The following NEURL1 variants were observed in gnomAD, a reference collection of about 807,000 sequenced individuals.
NEURL1 encodes the protein neuralized E3 ubiquitin protein ligase 1.
In NEURL1, 26 loss-of-function variants were observed where a neutral mutation model predicts 41.2. The observed-to-expected ratio is 0.63, with a 90% CI of 0.46 to 0.87. The LOEUF (loss-of-function observed/expected upper bound fraction) is 0.87. Ranked by LOEUF, NEURL1 falls within the 40% of genes least tolerant of loss-of-function variation. The pLI is 0.00. For missense variants in NEURL1, 761 were observed against 871.1 expected (o/e 0.87, Z 1.59); for synonymous variants, 400 against 402.3 (o/e 0.99, Z 0.07).
At chr10:103,555,929 C>T (rs1315875904) in intron 1 of NEURL1, among the ~76,000 whole-genome samples, 1 of 151,808 alleles carries the variant, frequency 6.6e-6, no homozygotes, top group Non-Finnish European at 1.5e-5. Context: ...CACATGTGTG[C>T]TGAGTGTGCA....
intron 1 of NEURL1, among the ~76,000 whole-genome samples, chr10:103,553,698 G>T (rs1002627218): frequency 6.6e-6 from 1 of 152,212 alleles, no homozygotes; most frequent in African/African-American, 2.4e-5. Flanking sequence ...CCCTTACAGG[G>T]CCCAGGCCTC....
intron 1 of NEURL1, among the ~76,000 whole-genome samples, chr10:103,497,340 T>G (rs2033709749): frequency 6.6e-6 from 1 of 152,216 alleles, no homozygotes; most frequent in African/African-American, 2.4e-5. Context: ...TGGGATGGCG[T>G]CTGTACTCAG....
At chr10:103,533,769 C>G (rs1259414311) in intron 1 of NEURL1, among the ~76,000 whole-genome samples, 2 of 152,184 alleles carry the variant, frequency 1.3e-5, no homozygotes, top group African/African-American at 2.4e-5. Context: ...ATCTGCTGAC[C>G]TTCTGATCCG....
At chr10:103,517,717 C>T (rs55693294) in intron 1 of NEURL1, among the ~76,000 whole-genome samples, 7,039 of 152,336 alleles carry the variant, frequency 0.046, 174 homozygotes, top group Non-Finnish European at 0.061. Context: ...GGCACCTTCT[C>T]CCCTGCAGCA....
At chr10:103,562,702 T>C (rs999919344) in intron 1 of NEURL1, among the ~76,000 whole-genome samples, 28 of 152,090 alleles carry the variant, frequency 1.8e-4, no homozygotes, top group African/African-American at 6.8e-4. Context: ...GCTGATGGGG[T>C]CCTCAAAGGT....
At chr10:103,520,536 C>T (rs1019431544) in intron 1 of NEURL1, among the ~76,000 whole-genome samples, 1 of 152,158 alleles carries the variant, frequency 6.6e-6, no homozygotes, top group African/African-American at 2.4e-5. Flanking sequence ...CAGGAACCGA[C>T]CATTTTGACT....
At position 103,571,036 on chromosome 10, in the gene NEURL1, A is replaced by AAG; in HGVS notation, c.253_254dup (p.Gln86GlyfsTer24). On this transcript the variant is annotated frameshift_variant, in exon 2 of 6. Coordinates refer to ENST00000369780, the MANE Select transcript of NEURL1 (RefSeq NM_004210.5). LOFTEE classifies it high-confidence loss of function. ...CATGGACCTCAGCCACAAGGCTGTC[A>AAG]AGAGGCAGGCCAGCTTCTGCAACGC... 6.2e-7 allele frequency: 1 copy of AAG among 1,614,000 alleles called. No individual in the cohort carries two copies. The highest frequency in any genetic ancestry group is 8.5e-7 in the Non-Finnish European group (1 of 1,179,982).
intron 1 of NEURL1, among the ~76,000 whole-genome samples, chr10:103,504,102 T>A (rs531027588): frequency 6.6e-6 from 1 of 152,152 alleles, no homozygotes; most frequent in African/African-American, 2.4e-5. Flanking sequence ...CAAGGTATTC[T>A]TCTGCCTCAG....
intron 3 of NEURL1, among the ~76,000 whole-genome samples, chr10:103,576,741 G>C (rs1348297529): frequency 6.6e-6 from 1 of 152,096 alleles, no homozygotes; most frequent in Non-Finnish European, 1.5e-5. Flanking sequence ...GGCTCCCGAG[G>C]GCTTATGCAT....
intron 1 of NEURL1, among the ~76,000 whole-genome samples, chr10:103,503,635 G>A (rs891276243): frequency 6.6e-5 from 10 of 152,092 alleles, no homozygotes; most frequent in South Asian, 2.1e-4. Flanking sequence ...ACGCCGATAC[G>A]GTGAGAAATG....
Position 103,522,621 on chromosome 10 carries a change from A to T in NEURL1, c.85+28149A>T, listed in dbSNP as rs1310023014. 2.8e-5 allele frequency among the ~76,000 whole-genome samples: 4 copies of T among 145,248 alleles called. No individual in the cohort carries two copies. The East Asian group carries it at 6.1e-4, about 22-fold the overall frequency. ...CCATTTCAAAAAAAAAAAAAAAAAAAAGAAGTCGTCTTTGTCTCATGCAAT... is the reference window on the plus strand; with the variant it reads ...CCATTTCAAAAAAAAAAAAAAAAAATAGAAGTCGTCTTTGTCTCATGCAAT... On this transcript the variant is annotated intron_variant, in intron 1 of 5. Transcript: ENST00000369780.
intron 1 of NEURL1, among the ~76,000 whole-genome samples, chr10:103,524,560 G>C (rs1017645288): frequency 6.6e-6 from 1 of 152,100 alleles, no homozygotes; most frequent in African/African-American, 2.4e-5. Flanking sequence ...TTTTCTTCTA[G>C]TAGTTTTATG....
chr10:103,572,122 G>A (rs1221024145), intron 3 of NEURL1, among the ~76,000 whole-genome samples: 1 of 152,230 alleles, frequency 6.6e-6, no homozygotes, highest in Admixed American at 6.5e-5. Context: ...ACCACCCCAG[G>A]AAGTAATTAA....
rs572117699 is a variant in NEURL1 at position 103,520,825 on chromosome 10, G to T, written c.85+26353G>T. Among the ~76,000 whole-genome samples the T allele has an allele frequency of 9.2e-5, 14 of 152,240 alleles. No homozygotes were observed. The South Asian group carries it at 2.9e-3, about 32-fold the overall frequency. On this transcript the variant is annotated intron_variant, in intron 1 of 5. Transcript: ENST00000369780. ...AGATTAAGCTGACGGAAGATTCTGT[G>T]GTAAGGGGTGATATTGTGGGGTTGT...
At chr10:103,555,003 C>G (rs990841180) in intron 1 of NEURL1, among the ~76,000 whole-genome samples, 4 of 152,120 alleles carry the variant, frequency 2.6e-5, no homozygotes, top group Non-Finnish European at 5.9e-5. Flanking sequence ...CGCCTCTGCT[C>G]GCTTTCTGGA....
At position 103,539,429 on chromosome 10, in the gene NEURL1, G is replaced by T. The variant is rs114726726; in HGVS notation, c.86-31443G>T. 2.8e-3 allele frequency among the ~76,000 whole-genome samples: 428 copies of T among 152,154 alleles called. 2 individuals carry two copies. The highest frequency in any genetic ancestry group is 8.9e-3 in the African/African-American group (370 of 41,500). On this transcript the variant is annotated intron_variant, in intron 1 of 5. Coordinates refer to ENST00000369780, the MANE Select transcript of NEURL1 (RefSeq NM_004210.5). ...TGCAATGAATTTCTCCCTGTCTGTG[G>T]CTAATCTTTTCATTCTCTTAAAAGA...
intron 1 of NEURL1, among the ~76,000 whole-genome samples, chr10:103,541,314 A>G (rs1329867825): frequency 6.6e-6 from 1 of 152,160 alleles, no homozygotes; most frequent in African/African-American, 2.4e-5. Flanking sequence ...GAAGAAAAAT[A>G]AGGAGGAAGC....
At chr10:103,551,550 C>T (rs1276722776) in intron 1 of NEURL1, among the ~76,000 whole-genome samples, 9 of 152,164 alleles carry the variant, frequency 5.9e-5, no homozygotes, top group East Asian at 1.9e-4. Flanking sequence ...GTGATCCACC[C>T]GTCTCAGCCT....
At chr10:103,551,477 T>C (rs1008844848) in intron 1 of NEURL1, among the ~76,000 whole-genome samples, 1 of 152,008 alleles carries the variant, frequency 6.6e-6, no homozygotes, top group African/African-American at 2.4e-5. Context: ...TAACTTTTTA[T>C]ATTTTTGGTA....
Sources: gnomAD v4.1 joint callset for allele counts (sites outside exome capture counted in the v4.1 genomes callset) on GRCh38, gnomAD v4.1.1 for gene constraint, MANE v1.5 for transcripts, NCBI Gene and HGNC (gene_info 2026-07-23, HGNC 2026-07-21) for gene names.